Variants in RGS20 observed in about 807,000 individuals in gnomAD.
The protein encoded by RGS20 is gz-selective GTPase-activating protein.
Under a neutral mutation model 33.6 loss-of-function variants are expected in RGS20, and 30 were observed. That is an observed-to-expected ratio of 0.89 (90% CI 0.67 to 1.21). RGS20 has a LOEUF of 1.21. Among genes scored for constraint, RGS20 ranks in the 50% most tolerant of loss-of-function variants. The pLI, the probability that RGS20 is intolerant of heterozygous loss-of-function variation, is 0.00. For synonymous variants in RGS20, 208 were observed against 197.9 expected, an observed-to-expected ratio of 1.05 and a Z score of -0.43; for missense variants, 472 against 502.4, an observed-to-expected ratio of 0.94 and a Z score of 0.58.
chr8:53,864,516 G>A (rs1047279330), intron 1 of RGS20, among the ~76,000 whole-genome samples: 2 of 150,492 alleles, frequency 1.3e-5, no homozygotes, highest in African/African-American at 4.9e-5. Context: ...CATTAGCCCT[G>A]TGCTGCCTCC....
At chr8:53,917,230 G>A (rs13267128) in intron 2 of RGS20, among the ~76,000 whole-genome samples, 2 of 151,930 alleles carry the variant, frequency 1.3e-5, no homozygotes, top group Non-Finnish European at 2.9e-5. Context: ...TCATTGCAAC[G>A]TCTGCCTCCC....
chr8:53,895,082 G>C (rs1487245909), intron 2 of RGS20, among the ~76,000 whole-genome samples: 1 of 152,154 alleles, frequency 6.6e-6, no homozygotes, highest in East Asian at 1.9e-4. Flanking sequence ...AAGAGATGGG[G>C]CCGCCAGCCT....
chr8:53,897,519 A>G (rs16919652), intron 2 of RGS20, among the ~76,000 whole-genome samples: 18,082 of 152,264 alleles, frequency 0.12, 3,289 homozygotes, highest in African/African-American at 0.39. Flanking sequence ...AGCATACTTT[A>G]TAATATCCAT....
At chr8:53,876,314 T>C (rs185195354) in intron 1 of RGS20, 1 of 152,362 alleles carries the variant, frequency 6.6e-6, no homozygotes, top group Non-Finnish European at 1.5e-5. Flanking sequence ...ATTTAGGCTG[T>C]GGCGATTTTC....
intron 3 of RGS20, among the ~76,000 whole-genome samples, chr8:53,945,789 G>A (rs2129291424): frequency 6.6e-6 from 1 of 152,068 alleles, no homozygotes; most frequent in African/African-American, 2.4e-5. Flanking sequence ...TGTAGTCCCA[G>A]CTACTCAGGA....
At chr8:53,956,840 TTTAAAGTA>T (rs1186420025) in intron 5 of RGS20, among the ~76,000 whole-genome samples, 1 of 152,156 alleles carries the variant, frequency 6.6e-6, no homozygotes, top group African/African-American at 2.4e-5. Flanking sequence ...TCATCAATCT[TTTAAAGTA>T]TTATACAACC....
chr8:53,918,387 T>C (rs1813550640), intron 2 of RGS20, among the ~76,000 whole-genome samples: 1 of 141,300 alleles, frequency 7.1e-6, no homozygotes, highest in African/African-American at 3.2e-5. Flanking sequence ...TTTCTTTTTT[T>C]TTCTTTCTTC....
chr8:53,903,263 C>CATG (rs1389463480), intron 2 of RGS20, among the ~76,000 whole-genome samples: 30 of 152,118 alleles, frequency 2.0e-4, no homozygotes, highest in Non-Finnish European at 3.5e-4. Flanking sequence ...CACTGTTCTA[C>CATG]CATCAGTAAA....
chr8:53,919,346 CTT>C (rs1320840458), intron 2 of RGS20, among the ~76,000 whole-genome samples: 19 of 141,042 alleles, frequency 1.3e-4, no homozygotes, highest in Non-Finnish European at 1.5e-4. Context: ...TGTCTTTTCA[CTT>C]TTTTTTTTTT....
Position 53,879,515 on chromosome 8 carries a change from C to T in RGS20, c.423C>T (p.Pro141=), listed in dbSNP as rs1456355181. The T allele has an allele frequency of 4.5e-6, 7 of 1,544,608 alleles. No homozygotes were observed. The highest frequency in any genetic ancestry group is 6.1e-6 in the Non-Finnish European group (7 of 1,146,766). The change falls in exon 2 of 6, where the codon CCC becomes CCT. Residue 141 remains proline (P), a synonymous_variant. Coordinates refer to ENST00000297313, the MANE Select transcript of RGS20 (RefSeq NM_170587.4). ...CGGCGCTGGCACTGCCCGGCCGACC[C>T]TCGGGGGGTCGTCCGCTGAGGCCCC...
intron 2 of RGS20, among the ~76,000 whole-genome samples, chr8:53,900,985 A>G (rs6473896): frequency 0.17 from 25,106 of 146,652 alleles, 6,110 homozygotes; most frequent in African/African-American, 0.55. Context: ...ACTCCTCCAC[A>G]CCCCTCACAG....
chr8:53,905,560 C>T (rs1172309595), intron 2 of RGS20, among the ~76,000 whole-genome samples: 1 of 152,162 alleles, frequency 6.6e-6, no homozygotes, highest in South Asian at 2.1e-4. Flanking sequence ...TCCTACTAAA[C>T]AGAACATCAC....
At chr8:53,956,194 G>A (rs1488530639) in intron 5 of RGS20, among the ~76,000 whole-genome samples, 1 of 152,198 alleles carries the variant, frequency 6.6e-6, no homozygotes. Flanking sequence ...GAGCCCAGGG[G>A]AAGAGCATGA....
chr8:53,935,743 C>T (rs991661014), intron 2 of RGS20, among the ~76,000 whole-genome samples: 15 of 152,210 alleles, frequency 9.9e-5, no homozygotes, highest in African/African-American at 3.4e-4. Flanking sequence ...CTCCCTAACT[C>T]ATTTTGAGTC....
chr8:53,903,159 C>G (rs1004215384), intron 2 of RGS20, among the ~76,000 whole-genome samples: 1 of 152,138 alleles, frequency 6.6e-6, no homozygotes, highest in Non-Finnish European at 1.5e-5. Context: ...CAATATGGTA[C>G]GTGTGTGTGC....
chr8:53,920,116 C>G (rs531918611), intron 2 of RGS20, among the ~76,000 whole-genome samples: 76 of 152,122 alleles, frequency 5.0e-4, no homozygotes, highest in Admixed American at 1.0e-3. Context: ...CTCAAGTGAT[C>G]CACCCACCTC....
At chr8:53,862,266 A>G (rs534947074) in intron 1 of RGS20, among the ~76,000 whole-genome samples, 36 of 152,296 alleles carry the variant, frequency 2.4e-4, no homozygotes, top group African/African-American at 8.2e-4. Flanking sequence ...CTTAGATGTA[A>G]ATGAATTCAT....
intron 1 of RGS20, among the ~76,000 whole-genome samples, chr8:53,871,630 T>A (rs79392503): frequency 6.8e-6 from 1 of 147,514 alleles, no homozygotes; most frequent in Non-Finnish European, 1.5e-5. Context: ...AAAAAAATAA[T>A]AATAATAATA....
chr8:53,869,654 T>C (rs1234081600), intron 1 of RGS20, among the ~76,000 whole-genome samples: 1 of 151,940 alleles, frequency 6.6e-6, no homozygotes, highest in Admixed American at 6.6e-5. Context: ...CCAGCCTAGG[T>C]GATAGCACAA....
Sources: allele counts gnomAD v4.1 joint callset (sites outside exome capture counted in the v4.1 genomes callset), GRCh38; gene constraint gnomAD v4.1.1; transcripts MANE v1.5; gene names NCBI Gene and HGNC (gene_info 2026-07-23, HGNC 2026-07-21).